The following PTPN14 variants were observed in gnomAD, a reference collection of about 807,000 sequenced individuals.
The protein encoded by PTPN14 is protein tyrosine phosphatase non-receptor type 14.
In PTPN14, 53 loss-of-function variants were observed where a neutral mutation model predicts 126.8. The ratio of observed to expected loss-of-function variants is 0.42; its 90% CI spans 0.34 to 0.53. The LOEUF is 0.53. PTPN14 is among the 20% of genes least tolerant of loss of function. PTPN14 has a pLI of 0.08. For missense variants in PTPN14, 1,257 were observed against 1,552.9 expected, an observed-to-expected ratio of 0.81 and a Z score of 3.20; for synonymous variants, 630 against 599.3, an observed-to-expected ratio of 1.05 and a Z score of -0.75.
intron 16 of PTPN14, among the ~76,000 whole-genome samples, chr1:214,370,290 A>AG (rs1658188001): frequency 1.3e-5 from 2 of 151,668 alleles, no homozygotes; most frequent in East Asian, 1.9e-4. Flanking sequence ...CAAAAAAAAA[A>AG]AAAAAAGAAA....
chr1:214,409,348 AT>A (rs1571981731), intron 5 of PTPN14, among the ~76,000 whole-genome samples: 1 of 152,072 alleles, frequency 6.6e-6, no homozygotes, highest in South Asian at 2.1e-4. Context: ...CTGTGCCTGG[AT>A]TTTTCACTTA....
At chr1:214,426,218 T>G (rs538724790) in intron 3 of PTPN14, among the ~76,000 whole-genome samples, 1 of 151,966 alleles carries the variant, frequency 6.6e-6, no homozygotes, top group Non-Finnish European at 1.5e-5. Context: ...CTGCCAGAGA[T>G]AAAATACCAA....
chr1:214,498,256 G>A (rs1446864274), intron 1 of PTPN14, among the ~76,000 whole-genome samples: 1 of 152,140 alleles, frequency 6.6e-6, no homozygotes, highest in Non-Finnish European at 1.5e-5. Flanking sequence ...CTAACGCTGT[G>A]AGTCTCCTAA....
At position 214,357,826 on chromosome 1, in the gene PTPN14, C is replaced by T; in HGVS notation, c.*96G>A. On this transcript the variant is annotated 3_prime_UTR_variant, in exon 19 of 19. Transcript: ENST00000366956. ...CAGAGAGCCTGTTTGCTGCCAGCCA[C>T]CTGCACCCCTGTGGGGGGAGCAGAT... 9.0e-7 allele frequency: 1 copy of T among 1,107,670 alleles called. No homozygotes were observed. The highest frequency in any genetic ancestry group is 2.2e-5 in the Admixed American group (1 of 44,918). 68.6% of individuals were successfully genotyped at this position (1,107,670 alleles called of 1,614,324 possible). A position where few individuals can be genotyped will look rare whatever the true frequency, so the allele number is the denominator to read the frequency against.
intron 1 of PTPN14, among the ~76,000 whole-genome samples, chr1:214,491,799 T>C (rs1291905307): frequency 6.6e-6 from 1 of 152,066 alleles, no homozygotes; most frequent in Non-Finnish European, 1.5e-5. Context: ...CTTGGGGAAA[T>C]CTTTCCCCAA....
intron 3 of PTPN14, among the ~76,000 whole-genome samples, chr1:214,433,584 C>T (rs1659840908): frequency 6.6e-6 from 1 of 151,908 alleles, no homozygotes; most frequent in African/African-American, 2.4e-5. Context: ...GTCGTCATCA[C>T]CACTCTGAGG....
chr1:214,376,149 T>G (rs1658337653), intron 15 of PTPN14, 70 bp downstream of exon 15: 1 of 1,426,820 alleles, frequency 7.0e-7, no homozygotes, highest in Non-Finnish European at 9.7e-7. Flanking sequence ...CCACACATTT[T>G]CTTCTCCCCG....
chr1:214,425,546 CCGCCTTACT>C (rs1659642515), intron 3 of PTPN14, among the ~76,000 whole-genome samples: 1 of 152,306 alleles, frequency 6.6e-6, no homozygotes, highest in Admixed American at 6.5e-5. Context: ...CCCCAACAGA[CCGCCTTACT>C]ATGCATTCAC....
chr1:214,367,680 G>A (rs1425898166), intron 17 of PTPN14, among the ~76,000 whole-genome samples: 2 of 152,190 alleles, frequency 1.3e-5, no homozygotes, highest in African/African-American at 2.4e-5. Context: ...CCAGGTGGGT[G>A]AGTAAAGAAC....
intron 3 of PTPN14, among the ~76,000 whole-genome samples, chr1:214,433,219 T>G (rs552474045): frequency 6.6e-6 from 1 of 152,188 alleles, no homozygotes; most frequent in Non-Finnish European, 1.5e-5. Flanking sequence ...TGCACTTGTC[T>G]GTGCATATGT....
chr1:214,416,110 A>G (rs1659420074), intron 3 of PTPN14, among the ~76,000 whole-genome samples: 1 of 152,206 alleles, frequency 6.6e-6, no homozygotes, highest in Admixed American at 6.5e-5. Context: ...CATAGCTATC[A>G]TTCATGCACT....
At chr1:214,475,862 C>T (rs1263149688) in intron 1 of PTPN14, among the ~76,000 whole-genome samples, 1 of 152,148 alleles carries the variant, frequency 6.6e-6, no homozygotes, top group Non-Finnish European at 1.5e-5. Flanking sequence ...AAGTTCAAAC[C>T]CAGAGCTCCA....
chr1:214,490,912 GGGAAGGAAAGAAA>G (rs1558127207), intron 1 of PTPN14, among the ~76,000 whole-genome samples: 1 of 17,072 alleles, frequency 5.9e-5, no homozygotes, highest in South Asian at 2.0e-3. Flanking sequence ...GGGGAAGGAA[GGGAAGGAAAGAAA>G]GGAAGGAAAG....
chr1:214,363,534 G>A (rs541531482), intron 18 of PTPN14, among the ~76,000 whole-genome samples: 1 of 152,202 alleles, frequency 6.6e-6, no homozygotes, highest in East Asian at 1.9e-4. Flanking sequence ...TTTGAAAACT[G>A]AGTAAGAACC....
chr1:214,418,424 AC>A (rs1395280097), intron 3 of PTPN14, among the ~76,000 whole-genome samples: 2 of 152,224 alleles, frequency 1.3e-5, no homozygotes, highest in Non-Finnish European at 2.9e-5. Context: ...AGAGAAGGCA[AC>A]TGTGTTGAGG....
intron 6 of PTPN14, among the ~76,000 whole-genome samples, 191 bp downstream of exon 6, chr1:214,402,692 A>AGGGAGGGCGGG (rs1659060103): frequency 7.2e-6 from 1 of 138,750 alleles, no homozygotes; most frequent in African/African-American, 2.6e-5. Context: ...GGAGGGAAGG[A>AGGGAGGGCGGG]AGGAACGGAG....
At chr1:214,542,996 C>T (rs1490156361) in intron 1 of PTPN14, among the ~76,000 whole-genome samples, 1 of 152,114 alleles carries the variant, frequency 6.6e-6, no homozygotes, top group Non-Finnish European at 1.5e-5. Context: ...GATATCACTG[C>T]TGCTTATTAT....
chr1:214,397,996 A>G lies in PTPN14; in HGVS notation c.675T>C (p.Asn225=). ...TGCCAAGGTGTACACAGTTTCCATGATTGTCCTGGGTAAGACCAACAAAAG... is the reference window on the plus strand; with the variant it reads ...TGCCAAGGTGTACACAGTTTCCATGGTTGTCCTGGGTAAGACCAACAAAAG... ...FGQEIFPVKD[N]HGNCVHLGIF... The change falls in exon 8 of 19, where the codon AAT becomes AAC. Residue 225 remains asparagine (N), a synonymous_variant. Transcript: ENST00000366956. 1 of 1,610,526 alleles carries G rather than the reference A, an allele frequency of 6.2e-7. No individual in the cohort carries two copies. Among genetic ancestry groups the G allele is most frequent in the Non-Finnish European group, 8.5e-7 (1 of 1,176,832 alleles).
intron 3 of PTPN14, among the ~76,000 whole-genome samples, chr1:214,450,133 A>AAAATAAATAAATAAAC (rs1553267841): frequency 4.1e-4 from 58 of 140,452 alleles, no homozygotes; most frequent in Non-Finnish European, 6.7e-4. Flanking sequence ...ACTCTATCTC[A>AAAATAAATAAATAAAC]AAATAAATAA....
Sources: gnomAD v4.1 joint callset for allele counts (sites outside exome capture counted in the v4.1 genomes callset) on GRCh38, gnomAD v4.1.1 for gene constraint, MANE v1.5 for transcripts, NCBI Gene and HGNC (gene_info 2026-07-23, HGNC 2026-07-21) for gene names.